The following STOML1 variants were observed in gnomAD, a reference collection of about 807,000 sequenced individuals.
STOML1 encodes stomatin-like protein 1.
STOML1 carries 27 observed loss-of-function variants against 35.7 expected under a neutral mutation model. The observed-to-expected ratio is 0.76, with a 90% CI of 0.56 to 1.04. The LOEUF (loss-of-function observed/expected upper bound fraction) is 1.04, where lower values mean the gene tolerates loss of function less well. Among genes scored for constraint, STOML1 ranks in the 50% least tolerant of loss-of-function variants. STOML1 has a pLI of 0.00. For synonymous variants in STOML1, 219 were observed against 227.9 expected (o/e 0.96, Z 0.35); for missense variants, 451 against 527.1 (o/e 0.86, Z 1.41).
Position 73,979,042 on chromosome 15 carries a change from A to G in STOML1, c.*4895T>C, listed in dbSNP as rs2141654778. The G allele has an allele frequency of 6.6e-6, 1 of 152,376 alleles. No homozygotes were observed. Among genetic ancestry groups the G allele is most frequent in the East Asian group, 1.9e-4 (1 of 5,188 alleles). 9.4% of individuals were successfully genotyped at this position (152,376 alleles called of 1,614,324 possible). A position where few individuals can be genotyped will look rare whatever the true frequency, so the allele number is the denominator to read the frequency against. Reference sequence around the variant, plus strand: ...CTAGACAATGGAATGTGTTGGCAATACAACAAACTACAGATACACAGAATA... The same window carrying G: ...CTAGACAATGGAATGTGTTGGCAATGCAACAAACTACAGATACACAGAATA... On this transcript the variant is annotated 3_prime_UTR_variant, in exon 7 of 7. Transcript: ENST00000541638.
chr15:73,992,279 G>T lies in STOML1; in HGVS notation c.-56C>A, dbSNP rs1407759347. Reference sequence around the variant, plus strand: ...CCGCGCGGCGCCCTCCCTGGCCAGTGGGCCCTACGCGGCCCCGCCCTCCTG... The same window carrying T: ...CCGCGCGGCGCCCTCCCTGGCCAGTTGGCCCTACGCGGCCCCGCCCTCCTG... On this transcript the variant is annotated 5_prime_UTR_variant, in exon 1 of 7. Coordinates refer to ENST00000541638, the MANE Select transcript of STOML1 (RefSeq NM_004809.5). 3 of 1,545,594 alleles carry T rather than the reference G, an allele frequency of 1.9e-6. No individual in the cohort carries two copies. Among genetic ancestry groups the T allele is most frequent in the Non-Finnish European group, 2.6e-6 (3 of 1,154,604 alleles).
chr15:73,984,588 G>A (rs1394765148), intron 6 of STOML1, 71 bp downstream of exon 6: 2 of 1,556,412 alleles, frequency 1.3e-6, no homozygotes, highest in South Asian at 1.1e-5. Flanking sequence ...GTCTACGAGA[G>A]CACCACTGGG....
upstream of STOML1, among the ~76,000 whole-genome samples, chr15:73,994,235 C>T (rs1434330816): frequency 1.3e-5 from 2 of 152,204 alleles, no homozygotes; most frequent in Non-Finnish European, 2.9e-5. Context: ...CCCAAACAGG[C>T]TTTTGCAAGA....
In STOML1 at chr15:73,984,659, C is replaced by A. The variant is rs760270596; in HGVS notation, c.1003G>T (p.Gly335Ter). Residue 335 changes from glycine to a stop codon, truncating the protein, a stop_gained and splice_region_variant, in exon 6 of 7, where the codon GGA becomes TGA. Transcript: ENST00000541638. LOFTEE classifies it high-confidence loss of function. Reference sequence around the variant, plus strand: ...GGAGAGGCAAGGAGGGCAGCGGCACCTGTAGTGAGGTCCAGGAAGTAGGCG... The same window carrying A: ...GGAGAGGCAAGGAGGGCAGCGGCACATGTAGTGAGGTCCAGGAAGTAGGCG... ...QSAYFLDLTT[G>*]RGRVGHGVPD... The A allele has an allele frequency of 3.7e-6, 6 of 1,613,888 alleles. No individual in the cohort carries two copies. In the African/African-American group the frequency reaches 8.0e-5, roughly 22 times the overall value.
rs1202293204 is a variant in STOML1 at position 73,989,269 on chromosome 15, G to A, written c.241-12C>T. 1.9e-6 allele frequency: 3 copies of A among 1,571,826 alleles called. No individual in the cohort carries two copies. Among genetic ancestry groups the A allele is most frequent in the Middle Eastern group, 1.7e-4 (1 of 5,872 alleles). ...TAGGTGGGCACAATCTGTCCACAAT[G>A]GCAAGGGAAAGAGTTGAAAGTGGTC... On this transcript the variant is annotated splice_polypyrimidine_tract_variant and intron_variant, in intron 2 of 6. Coordinates refer to ENST00000541638, the MANE Select transcript of STOML1 (RefSeq NM_004809.5).
At position 73,985,245 on chromosome 15, in the gene STOML1, T is replaced by A. The variant is rs944622627; in HGVS notation, c.790+73A>T. 106 of 1,451,124 alleles carry A rather than the reference T, an allele frequency of 7.3e-5. No homozygotes were observed. The Middle Eastern group carries it at 7.7e-4, about 11-fold the overall frequency. The allele number at this position is 1,451,124 out of a possible 1,614,324, so 89.9% of individuals were successfully genotyped here. On this transcript the variant is annotated intron_variant, in intron 5 of 6. Coordinates refer to ENST00000541638, the MANE Select transcript of STOML1 (RefSeq NM_004809.5). ...CAGGGTGTGTACTGCACAGAGCTGC[T>A]GGGATAGTGAGCAAAGTCTGTGCTG...
chr15:73,988,912 A>G lies in STOML1; in HGVS notation c.391-110T>C. ...CCACCTGCTTGGCAGCTAGCTCCTC[A>G]AGGGCAAATGGTGTCACCAAGTATG... On this transcript the variant is annotated intron_variant, in intron 3 of 6. Coordinates refer to ENST00000541638, the MANE Select transcript of STOML1 (RefSeq NM_004809.5). This position sits in a 1 kb window ranked among gnomAD's most constrained non-coding sequence, Gnocchi z 4.8. The G allele has an allele frequency of 6.7e-7, 1 of 1,482,064 alleles. No homozygotes were observed. The highest frequency in any genetic ancestry group is 1.3e-5 in the South Asian group (1 of 77,106). 91.8% of individuals were successfully genotyped at this position (1,482,064 alleles called of 1,614,324 possible).
intron 1 of STOML1, chr15:73,990,760 C>T: frequency 6.7e-6 from 10 of 1,496,918 alleles, no homozygotes; most frequent in Non-Finnish European, 9.0e-6. Context: ...ATGCTCTCCT[C>T]ACTGGACTGA....
chr15:73,984,176 C>G, intron 6 of STOML1, 46 bp from the exon 7 acceptor site: 1 of 1,570,404 alleles, frequency 6.4e-7, no homozygotes, highest in South Asian at 1.2e-5. Flanking sequence ...AATGGAGGAA[C>G]GTGAAGGAGA....
Position 73,988,847 on chromosome 15 carries a change from G to C in STOML1, c.391-45C>G. 1 of 1,586,306 alleles carries C rather than the reference G, an allele frequency of 6.3e-7. No individual in the cohort carries two copies. The highest frequency in any genetic ancestry group is 8.6e-7 in the Non-Finnish European group (1 of 1,161,552). The stretch of plus-strand genomic sequence containing the variant: ...GAGAGAGACACTCAAGGGGCTGGGG[G>C]TGCAGGGAGGTCAGGCCCACTGGGG... On this transcript the variant is annotated intron_variant, in intron 3 of 6. Coordinates refer to ENST00000541638, the MANE Select transcript of STOML1 (RefSeq NM_004809.5). This position sits in a 1 kb window ranked among gnomAD's most constrained non-coding sequence, Gnocchi z 4.8.
Position 73,988,772 on chromosome 15 carries a change from C to T in STOML1, c.421G>A (p.Val141Met), listed in dbSNP as rs200693933. ...ATGCGAAACTGGACATCGGCTCCCA[C>T]GGACAGCACAGCCCCGTCCTTAGAG... The part of the protein sequence containing the change: ...LASKDGAVLS[V>M]GADVQFRIWD... The change falls in exon 4 of 7, where the codon GTG becomes ATG. Residue 141 changes from valine (V) to methionine (M), a missense_variant. Physicochemically the swap from Val to Met is conservative, Grantham distance 21. Transcript: ENST00000541638. This position sits in a 1 kb window ranked among gnomAD's most constrained non-coding sequence, Gnocchi z 4.8. 19 of 1,614,030 alleles carry T rather than the reference C, an allele frequency of 1.2e-5. No individual in the cohort carries two copies. The highest frequency in any genetic ancestry group is 2.2e-5 in the East Asian group (1 of 44,884).
At chr15:73,984,926 C>T in intron 5 of STOML1, 55 bp from the exon 6 acceptor site, 9 of 1,601,206 alleles carry the variant, frequency 5.6e-6, no homozygotes, top group Non-Finnish European at 7.7e-6. Context: ...CATCGTGTTG[C>T]CAAGGTCAGG....
chr15:73,992,305 GC>G (rs1595867894), upstream of STOML1: 3 of 1,442,808 alleles, frequency 2.1e-6, no homozygotes, highest in Non-Finnish European at 1.8e-6. Context: ...CGCCCTCCTG[GC>G]TGCTGCTTCC....
rs763197910 is a variant in STOML1 at position 73,985,452 on chromosome 15, A to C, written c.656T>G (p.Val219Gly). Residue 219 changes from valine to glycine, a missense_variant, in exon 5 of 7, where the codon GTG becomes GGG. Physicochemically the swap from Val to Gly is moderately radical, Grantham distance 109 (BLOSUM62 -3). Transcript: ENST00000541638. ...CTGGGGCGGCTGGAGCACGGCCTCCACTGCCAGCTCCACGCGGTCTACCTC... is the reference window on the plus strand; with the variant it reads ...CTGGGGCGGCTGGAGCACGGCCTCCCCTGCCAGCTCCACGCGGTCTACCTC... ...GLEVDRVELA[V>G]EAVLQPPQDS... The C allele has an allele frequency of 1.7e-5, 26 of 1,549,356 alleles. No individual in the cohort carries two copies. Among genetic ancestry groups the C allele is most frequent in the Non-Finnish European group, 2.2e-5 (25 of 1,153,448 alleles).
intron 2 of STOML1, chr15:73,990,142 C>A (rs2069224317): frequency 1.8e-6 from 1 of 542,778 alleles, no homozygotes; most frequent in Admixed American, 3.2e-5. Context: ...TTGCTTCTAC[C>A]CCCTACTGGC....
chr15:73,991,674 C>G, intron 1 of STOML1: 1 of 466,928 alleles, frequency 2.1e-6, no homozygotes, highest in Non-Finnish European at 4.3e-6. Flanking sequence ...TCCCGGGCTT[C>G]TAGAGGTGCC....
intron 2 of STOML1, 199 bp downstream of exon 2, chr15:73,990,152 C>T (rs963824533): frequency 3.6e-6 from 2 of 562,252 alleles, no homozygotes; most frequent in Middle Eastern, 4.4e-4. Context: ...CCCCTACTGG[C>T]TCCCAGTATG....
upstream of STOML1, chr15:73,992,397 G>A (rs141125785): frequency 3.6e-4 from 234 of 645,354 alleles, no homozygotes; most frequent in Middle Eastern, 3.0e-3. Flanking sequence ...CCGTCGCATG[G>A]CTCCCCCTGC....
Position 73,983,081 on chromosome 15 carries a change from G to C in STOML1, c.*856C>G, listed in dbSNP as rs2068981180. The C allele has an allele frequency of 6.6e-6, 1 of 152,120 alleles. No individual in the cohort carries two copies. Among genetic ancestry groups the C allele is most frequent in the South Asian group, 2.1e-4 (1 of 4,820 alleles). 9.4% of individuals were successfully genotyped at this position (152,120 alleles called of 1,614,324 possible). A position where few individuals can be genotyped will look rare whatever the true frequency, so the allele number is the denominator to read the frequency against. On this transcript the variant is annotated 3_prime_UTR_variant, in exon 7 of 7. Transcript: ENST00000541638. ...GGGGCTTTGAGACACTCAGGAGAAG[G>C]AGCTTCAAATATTGTGAGGGTCTGT...
Sources: gnomAD v4.1 joint callset for allele counts (sites outside exome capture counted in the v4.1 genomes callset) on GRCh38, gnomAD v4.1.1 for gene constraint, Gnocchi (gnomAD v3.1) non-coding constraint, MANE v1.5 for transcripts, NCBI Gene and HGNC (gene_info 2026-07-23, HGNC 2026-07-21) for gene names.